The following DPT variants were observed in gnomAD, a reference collection of about 807,000 sequenced individuals.
DPT encodes tyrosine-rich acidic matrix protein.
A neutral mutation model predicts 31.2 loss-of-function variants in DPT; 21 were observed. The ratio of observed to expected loss-of-function variants is 0.67; its 90% CI spans 0.48 to 0.97. The LOEUF (loss-of-function observed/expected upper bound fraction) is 0.97. DPT is among the 50% of genes least tolerant of loss of function. DPT has a pLI of 0.00. For missense variants in DPT, 262 were observed against 258.8 expected, an observed-to-expected ratio of 1.01 and a Z score of -0.08; for synonymous variants, 91 against 86.9, an observed-to-expected ratio of 1.05 and a Z score of -0.26.
chr1:168,707,823 T>C (rs771078379), intron 2 of DPT, among the ~76,000 whole-genome samples: 2 of 152,198 alleles, frequency 1.3e-5, no homozygotes, highest in African/African-American at 2.4e-5. Flanking sequence ...CCTTCTGCCA[T>C]GGTTGTAAGT....
At chr1:168,702,689 G>T (rs1286950066) in intron 2 of DPT, among the ~76,000 whole-genome samples, 2 of 145,482 alleles carry the variant, frequency 1.4e-5, no homozygotes, top group Non-Finnish European at 3.0e-5. Flanking sequence ...TCGGCTCACT[G>T]CAACTTCCGC....
intron 2 of DPT, among the ~76,000 whole-genome samples, chr1:168,706,575 G>A (rs554666205): frequency 6.6e-6 from 1 of 152,250 alleles, no homozygotes; most frequent in African/African-American, 2.4e-5. Context: ...TTGGCCAAGC[G>A]GGACCTCTGG....
intron 1 of DPT, among the ~76,000 whole-genome samples, chr1:168,723,994 C>T (rs1336939692): frequency 6.6e-6 from 1 of 152,170 alleles, no homozygotes; most frequent in Non-Finnish European, 1.5e-5. Flanking sequence ...CTTGGTATAA[C>T]ACCAAACTGA....
At chr1:168,724,871 G>C (rs954095563) in intron 1 of DPT, among the ~76,000 whole-genome samples, 4 of 152,128 alleles carry the variant, frequency 2.6e-5, no homozygotes, top group African/African-American at 9.7e-5. Context: ...TCTGTGGCTT[G>C]TCATTGAATT....
In DPT at chr1:168,695,597, T is replaced by C. The variant is rs571358717; in HGVS notation, c.*952A>G. ...TCCTGAGCCACACACAGAAGGAAAG[T>C]TGATCCCCAGGGCAGCCTTTCCCAC... On this transcript the variant is annotated 3_prime_UTR_variant, in exon 4 of 4. Transcript: ENST00000367817. 80 of 152,368 alleles carry C rather than the reference T, an allele frequency of 5.3e-4. No individual in the cohort carries two copies. Among genetic ancestry groups the C allele is most frequent in the African/African-American group, 1.9e-3 (77 of 41,542 alleles). 9.4% of individuals were successfully genotyped at this position (152,368 alleles called of 1,614,324 possible).
intron 2 of DPT, among the ~76,000 whole-genome samples, chr1:168,707,162 C>A (rs1475911333): frequency 6.6e-6 from 1 of 152,120 alleles, no homozygotes; most frequent in Non-Finnish European, 1.5e-5. Flanking sequence ...TCAGTTCCCT[C>A]ATCTGTATGA....
At chr1:168,717,732 G>A (rs1413929366) in intron 1 of DPT, among the ~76,000 whole-genome samples, 2 of 152,132 alleles carry the variant, frequency 1.3e-5, no homozygotes, top group African/African-American at 2.4e-5. Context: ...GTTAATTTTT[G>A]TATAAGGTGT....
At chr1:168,709,367 TTCA>T (rs1264978070) in intron 2 of DPT, among the ~76,000 whole-genome samples, 1 of 152,240 alleles carries the variant, frequency 6.6e-6, no homozygotes, top group Non-Finnish European at 1.5e-5. Flanking sequence ...AATTAGAATT[TTCA>T]TATCTAAATA....
chr1:168,726,304 CT>C (rs1371274454), intron 1 of DPT, among the ~76,000 whole-genome samples: 7 of 152,232 alleles, frequency 4.6e-5, no homozygotes, highest in Non-Finnish European at 7.3e-5. Context: ...CCTTCTTCCT[CT>C]TTTGCTTTTC....
chr1:168,710,829 T>C (rs902549182), intron 2 of DPT, among the ~76,000 whole-genome samples: 14 of 152,094 alleles, frequency 9.2e-5, no homozygotes, highest in African/African-American at 3.4e-4. Flanking sequence ...TTTTCAGGTC[T>C]CAGCATTCAA....
intron 1 of DPT, among the ~76,000 whole-genome samples, chr1:168,727,379 G>A (rs528722820): frequency 6.6e-6 from 1 of 152,204 alleles, no homozygotes; most frequent in Non-Finnish European, 1.5e-5. Context: ...GCCTGCTCAG[G>A]GTAAGCACTC....
rs3076492 is a variant in DPT, at chr1:168,727,539, CTTT to C, written c.305+1328_305+1330del. ...CTATGCTTTTTCTTTTTTCTATTTTCTTTTTTTTTTTTTTTTGAGGCAGAGTCT... is the reference window on the plus strand; with the variant it reads ...CTATGCTTTTTCTTTTTTCTATTTTCTTTTTTTTTTTTTGAGGCAGAGTCT... On this transcript the variant is annotated intron_variant, in intron 1 of 3. Transcript: ENST00000367817. Among the ~76,000 whole-genome samples the C allele has an allele frequency of 9.4e-3, 1,204 of 128,112 alleles. 19 individuals carry two copies. Among genetic ancestry groups the C allele is most frequent in the African/African-American group, 0.032 (1,081 of 33,322 alleles). The allele number at this position is 128,112 out of a possible 152,430, so 84.0% of individuals were successfully genotyped here. A position where few individuals can be genotyped will look rare whatever the true frequency, so the allele number is the denominator to read the frequency against.
chr1:168,718,605 G>A (rs1650036534), intron 1 of DPT, among the ~76,000 whole-genome samples: 1 of 152,196 alleles, frequency 6.6e-6, no homozygotes, highest in South Asian at 2.1e-4. Context: ...GTGGGGAGCA[G>A]ATAGTAGAGT....
intron 2 of DPT, among the ~76,000 whole-genome samples, chr1:168,709,418 A>G (rs1448897040): frequency 6.6e-6 from 1 of 152,236 alleles, no homozygotes; most frequent in Non-Finnish European, 1.5e-5. Flanking sequence ...AATCCAGTGG[A>G]GACCATTTCC....
chr1:168,715,562 A>G (rs1042326456), intron 1 of DPT, among the ~76,000 whole-genome samples: 2 of 116,338 alleles, frequency 1.7e-5, no homozygotes, highest in East Asian at 6.1e-4. Context: ...AATAAAAGAT[A>G]TTATAATTCA....
At chr1:168,720,873 A>G (rs903267862) in intron 1 of DPT, among the ~76,000 whole-genome samples, 2 of 152,242 alleles carry the variant, frequency 1.3e-5, no homozygotes, top group Non-Finnish European at 2.9e-5. Flanking sequence ...TTGAGTTGCT[A>G]TCAGGCATTT....
intron 2 of DPT, among the ~76,000 whole-genome samples, chr1:168,712,336 T>A (rs1014805398): frequency 2.6e-5 from 4 of 152,062 alleles, no homozygotes; most frequent in Non-Finnish European, 4.4e-5. Flanking sequence ...CCTCCTCACC[T>A]CCTCACTCTT....
intron 1 of DPT, among the ~76,000 whole-genome samples, chr1:168,725,273 C>T (rs890078474): frequency 4.6e-4 from 30 of 65,370 alleles, no homozygotes; most frequent in Middle Eastern, 0.024. Context: ...TCCTTTCTTC[C>T]TTCCTTCTTT....
intron 2 of DPT, among the ~76,000 whole-genome samples, chr1:168,702,858 C>T (rs891953236): frequency 2.0e-5 from 3 of 152,048 alleles, no homozygotes; most frequent in Admixed American, 1.3e-4. Flanking sequence ...GTGATCCACC[C>T]GCCTCAGCCT....
Sources: gnomAD v4.1 joint callset for allele counts (sites outside exome capture counted in the v4.1 genomes callset) on GRCh38, gnomAD v4.1.1 for gene constraint, MANE v1.5 for transcripts, NCBI Gene and HGNC (gene_info 2026-07-23, HGNC 2026-07-21) for gene names.